RNF123: variants seen among roughly 807,000 people sequenced by gnomAD.
RNF123 encodes the protein E3 ubiquitin-protein ligase RNF123.
Under a neutral mutation model 168.5 loss-of-function variants are expected in RNF123, and 86 were observed. The observed-to-expected ratio is 0.51, with a 90% CI of 0.43 to 0.61. The LOEUF (loss-of-function observed/expected upper bound fraction) is 0.61. Ranked by LOEUF, RNF123 falls within the 20% of genes least tolerant of loss-of-function variation. RNF123 has a pLI of 0.00. For synonymous variants in RNF123, 666 were observed against 689.1 expected, an observed-to-expected ratio of 0.97 and a Z score of 0.52; for missense variants, 1,419 against 1,729.7, an observed-to-expected ratio of 0.82 and a Z score of 3.19.
intron 25 of RNF123, 48 bp from the exon 26 acceptor site, chr3:49,706,743 G>C (rs749858244): frequency 6.5e-7 from 1 of 1,530,906 alleles, no homozygotes; most frequent in South Asian, 1.1e-5. Flanking sequence ...GGGTGGACCT[G>C]GGTATGGGGC....
At chr3:49,716,272 A>T (rs2108200936) in intron 34 of RNF123, 95 bp downstream of exon 34, 1 of 1,557,878 alleles carries the variant, frequency 6.4e-7, no homozygotes, top group Non-Finnish European at 8.8e-7. Context: ...GCCCCCGGAC[A>T]GCCAGACTTG....
At chr3:49,703,776 A>G (rs960295951) in intron 21 of RNF123, among the ~76,000 whole-genome samples, 11 of 152,210 alleles carry the variant, frequency 7.2e-5, no homozygotes, top group African/African-American at 2.4e-4. Flanking sequence ...TGAGGTGTGG[A>G]TGGGGCGTGC....
chr3:49,717,649 GTC>G (rs1189079588), intron 35 of RNF123: 3 of 492,548 alleles, frequency 6.1e-6, no homozygotes, highest in Admixed American at 3.6e-5. Context: ...AGGGGCCTGG[GTC>G]TCTCAGCCTC....
rs921084211 is a variant in RNF123, at chr3:49,697,266, G to A, written c.247+44G>A. Reference sequence around the variant, plus strand: ...AGTGGGGTTGGGAGGTGCAGAGCTGGGACGTAGCGGGCCTGGAGACGTCTG... The same window carrying A: ...AGTGGGGTTGGGAGGTGCAGAGCTGAGACGTAGCGGGCCTGGAGACGTCTG... On this transcript the variant is annotated intron_variant, in intron 4 of 38. Transcript: ENST00000327697. The A allele has an allele frequency of 3.1e-6, 5 of 1,601,606 alleles. No individual in the cohort carries two copies. In the African/African-American group the frequency reaches 4.0e-5, roughly 13 times the overall value.
In RNF123 at chr3:49,701,486, G is replaced by T. The variant is rs769768189; in HGVS notation, c.1278-5G>T. The T allele has an allele frequency of 1.2e-6, 2 of 1,612,028 alleles. No individual in the cohort carries two copies. The highest frequency in any genetic ancestry group is 1.7e-6 in the Non-Finnish European group (2 of 1,178,534). Reference sequence around the variant, plus strand: ...CAAGCAGAGCCCTGCCTTGACACCCGCCAGCTTCGACGTGCTCCGCTCCGT... The same window carrying T: ...CAAGCAGAGCCCTGCCTTGACACCCTCCAGCTTCGACGTGCTCCGCTCCGT... On this transcript the variant is annotated splice_polypyrimidine_tract_variant and splice_region_variant and intron_variant, in intron 15 of 38. Transcript: ENST00000327697.
Position 49,706,034 on chromosome 3 carries a change from C to A in RNF123, c.2357C>A (p.Thr786Lys). 1.2e-6 allele frequency: 2 copies of A among 1,614,188 alleles called. No individual in the cohort carries two copies. The highest frequency in any genetic ancestry group is 1.1e-5 in the South Asian group (1 of 91,090). Residue 786 changes from threonine (T) to lysine (K), a missense_variant, in exon 25 of 39, where the codon ACA (threonine) becomes AAA (lysine). Thr to Lys is a moderately conservative substitution (Grantham distance 78, BLOSUM62 -1). Around this residue, in one of 5 missense-constraint regions of RNF123, gnomAD observed 538 missense variants for 708.8 expected, o/e 0.76. Transcript: ENST00000327697. ...GAATACGCTATGGCTCTGAGGGACA[C>A]AGAGGACAAGCTCCGCCGGTGCCCC... is the stretch of plus-strand genomic sequence containing the variant. ...VNEYAMALRDTEDKLRRCPKR... is the reference protein window; with the variant it reads ...VNEYAMALRDKEDKLRRCPKR...
intron 35 of RNF123, chr3:49,718,958 C>A: frequency 1.2e-6 from 2 of 1,613,784 alleles, no homozygotes; most frequent in Non-Finnish European, 1.7e-6. Context: ...GAGAACGAGG[C>A]GAGTTCGTTG....
chr3:49,711,422 T>C (rs923295961), intron 26 of RNF123, among the ~76,000 whole-genome samples: 2 of 152,170 alleles, frequency 1.3e-5, no homozygotes, highest in South Asian at 2.1e-4. Context: ...TCTGCCCCCA[T>C]CTCAATCCGG....
chr3:49,705,445 G>A (rs1575530110), intron 23 of RNF123, 89 bp from the exon 24 acceptor site: 1 of 1,506,130 alleles, frequency 6.6e-7, no homozygotes, highest in East Asian at 2.3e-5. Flanking sequence ...GCACAGGAAT[G>A]GGAGAGATGA....
chr3:49,703,722 G>A (rs1026772570), intron 21 of RNF123, among the ~76,000 whole-genome samples, 194 bp downstream of exon 21: 4 of 152,218 alleles, frequency 2.6e-5, no homozygotes, highest in African/African-American at 7.2e-5. Flanking sequence ...CAGCACCCAC[G>A]CCATAGGGGT....
chr3:49,700,920 T>G (rs966761109), intron 15 of RNF123, among the ~76,000 whole-genome samples: 4 of 152,248 alleles, frequency 2.6e-5, no homozygotes, highest in Non-Finnish European at 5.9e-5. Context: ...TCTGAATGAC[T>G]GCAGACTCGG....
At position 49,702,358 on chromosome 3, in the gene RNF123, C is replaced by T; in HGVS notation, c.1582C>T (p.Leu528=). 6.2e-7 allele frequency: 1 copy of T among 1,614,244 alleles called. No individual in the cohort carries two copies. The highest frequency in any genetic ancestry group is 1.1e-5 in the South Asian group (1 of 91,092). Residue 528 remains leucine (L), a synonymous_variant, in exon 19 of 39, where the codon CTG becomes TTG. Coordinates refer to ENST00000327697, the MANE Select transcript of RNF123 (RefSeq NM_022064.5). ...NGGEASRYIF[L]TKFRKFLQEN... ...GGGTGAAGCTTCTAGGTATATCTTC[C>T]TGACCAAGTTTCGCAAGTTTCTGCA...
At chr3:49,711,555 C>T (rs912549996) in intron 26 of RNF123, among the ~76,000 whole-genome samples, 3 of 152,170 alleles carry the variant, frequency 2.0e-5, no homozygotes, top group Non-Finnish European at 2.9e-5. Flanking sequence ...CCTAGGTTTG[C>T]GCCTAGGCCC....
Position 49,716,493 on chromosome 3 carries a change from C to T in RNF123, c.3500+16C>T, listed in dbSNP as rs74680554. The T allele has an allele frequency of 2.0e-3, 3,257 of 1,610,424 alleles. 9 individuals are homozygous for T. The highest frequency in any genetic ancestry group is 2.5e-3 in the Non-Finnish European group (2,931 of 1,177,570). ...CAGCCTCAGAGTGAGTGTTGGGGAC[C>T]GTGGGCCCCTGTGGGAGTTGGGTGT... On this transcript the variant is annotated intron_variant, in intron 35 of 38. Coordinates refer to ENST00000327697, the MANE Select transcript of RNF123 (RefSeq NM_022064.5).
At chr3:49,696,021 AG>A in intron 3 of RNF123, among the ~76,000 whole-genome samples, 1 of 152,204 alleles carries the variant, frequency 6.6e-6, no homozygotes, top group East Asian at 1.9e-4. Flanking sequence ...AGCAGCTCAG[AG>A]GGCTGAGCCT....
intron 28 of RNF123, 56 bp downstream of exon 28, chr3:49,713,643 C>T (rs766034266): frequency 1.0e-5 from 16 of 1,579,948 alleles, no homozygotes; most frequent in Middle Eastern, 3.3e-4. Context: ...CACCTCTGGT[C>T]GGCTTTCTTC....
intron 29 of RNF123, 26 bp from the exon 30 acceptor site, chr3:49,713,884 C>T (rs778711649): frequency 1.2e-5 from 19 of 1,613,072 alleles, no homozygotes; most frequent in African/African-American, 6.7e-5. Context: ...AGCCTCACCC[C>T]GTCTCTCCCC....
At position 49,714,017 on chromosome 3, in the gene RNF123, A is replaced by T; in HGVS notation, c.2925+20A>T. The T allele has an allele frequency of 6.2e-7, 1 of 1,613,760 alleles. No individual in the cohort carries two copies. Among genetic ancestry groups the T allele is most frequent in the Non-Finnish European group, 8.5e-7 (1 of 1,179,868 alleles). On this transcript the variant is annotated intron_variant, in intron 30 of 38. Coordinates refer to ENST00000327697, the MANE Select transcript of RNF123 (RefSeq NM_022064.5). ...TGGAGGGTAAGCCTGACTCGAGGGGAAGTGGCTGAGGCTGGCTGGAGGGAG... is the reference window on the plus strand; with the variant it reads ...TGGAGGGTAAGCCTGACTCGAGGGGTAGTGGCTGAGGCTGGCTGGAGGGAG...
chr3:49,717,959 T>A (rs1374729117), intron 35 of RNF123: 6 of 1,612,094 alleles, frequency 3.7e-6, no homozygotes, highest in Middle Eastern at 1.6e-4. Context: ...GTCTAGGTTG[T>A]CATGGGACCC....
Sources: gnomAD v4.1 joint callset for allele counts (sites outside exome capture counted in the v4.1 genomes callset) on GRCh38, gnomAD v4.1.1 for gene constraint, gnomAD v4.1.1 regional missense constraint, MANE v1.5 for transcripts, NCBI Gene and HGNC (gene_info 2026-07-23, HGNC 2026-07-21) for gene names.